The following CPLX1 variants were observed in gnomAD, a reference collection of about 807,000 sequenced individuals.
The protein encoded by CPLX1 is complexin-1.
In CPLX1, 6 loss-of-function variants were observed where a neutral mutation model predicts 15.6. That is an observed-to-expected ratio of 0.39 (90% CI 0.21 to 0.76). CPLX1 has a LOEUF of 0.76. Among genes scored for constraint, CPLX1 ranks in the 30% least tolerant of loss-of-function variants. The pLI is 0.43. For missense variants in CPLX1, 242 were observed against 188.6 expected, an observed-to-expected ratio of 1.28 and a Z score of -1.66; for synonymous variants, 91 against 75.2, an observed-to-expected ratio of 1.21 and a Z score of -1.08.
chr4:814,938 G>A (rs1165228400), intron 2 of CPLX1, among the ~76,000 whole-genome samples: 1 of 152,252 alleles, frequency 6.6e-6, no homozygotes, highest in African/African-American at 2.4e-5. Context: ...GGGCAAGACT[G>A]CCAGCTCTCA....
At chr4:805,048 C>T in intron 2 of CPLX1, 2 of 598,378 alleles carry the variant, frequency 3.3e-6, no homozygotes, top group Non-Finnish European at 4.2e-6. Context: ...GGCAGCGGCC[C>T]TGGCGTGTGG....
intron 1 of CPLX1, among the ~76,000 whole-genome samples, 162 bp downstream of exon 1, chr4:825,884 T>G (rs1221717865): frequency 7.5e-4 from 7 of 9,278 alleles, no homozygotes; most frequent in Non-Finnish European, 1.3e-3. Context: ...GGGGAGGAGC[T>G]GGGCGAAGCC....
chr4:801,833 C>G (rs1456974497), intron 2 of CPLX1, among the ~76,000 whole-genome samples: 3 of 152,232 alleles, frequency 2.0e-5, no homozygotes, highest in Non-Finnish European at 2.9e-5. Context: ...TAAGGGAATT[C>G]AAACTTAAAT....
intron 2 of CPLX1, among the ~76,000 whole-genome samples, chr4:821,805 C>T (rs1304207048): frequency 6.6e-6 from 1 of 152,168 alleles, no homozygotes; most frequent in African/African-American, 2.4e-5. Flanking sequence ...ACAGGGGCCC[C>T]TCCTTGAGAC....
chr4:794,319 G>A (rs1468512392), intron 2 of CPLX1, among the ~76,000 whole-genome samples: 1 of 152,276 alleles, frequency 6.6e-6, no homozygotes, highest in Non-Finnish European at 1.5e-5. Context: ...GCAGTGGGGT[G>A]TGGGGAGAAC....
intron 2 of CPLX1, among the ~76,000 whole-genome samples, chr4:821,824 G>T (rs1204420795): frequency 6.6e-6 from 1 of 152,144 alleles, no homozygotes; most frequent in Non-Finnish European, 1.5e-5. Context: ...ACCCAGCGTT[G>T]GGTCAGATGA....
Position 805,865 on chromosome 4 carries a change from C to G in CPLX1, c.32-13257G>C, listed in dbSNP as rs374293086. 1.4e-4 allele frequency among the ~76,000 whole-genome samples: 21 copies of G among 152,242 alleles called. No individual in the cohort carries two copies. The East Asian group carries it at 3.9e-3, about 28-fold the overall frequency. Reference sequence around the variant, plus strand: ...TAAGCCAGACACAAAAAGACAAATACTGTAAGATTCCACTTAGATGAGGTC... The same window carrying G: ...TAAGCCAGACACAAAAAGACAAATAGTGTAAGATTCCACTTAGATGAGGTC... On this transcript the variant is annotated intron_variant, in intron 2 of 3. Coordinates refer to ENST00000304062, the MANE Select transcript of CPLX1 (RefSeq NM_006651.4).
At chr4:790,135 G>C (rs550757624) in intron 3 of CPLX1, among the ~76,000 whole-genome samples, 16 of 152,194 alleles carry the variant, frequency 1.1e-4, no homozygotes, top group East Asian at 1.9e-4. Flanking sequence ...CTGTGGAGGA[G>C]GACTCTGTGG....
Position 792,434 on chromosome 4 carries a change from T to C in CPLX1, c.206A>G (p.Lys69Arg), listed in dbSNP as rs1419710038. ...REAVRQGIRD[K>R]YGIKKKEERE... ...AGGCGGGGCCGGCCCGGCGCGCACC[T>C]TGTCTCGGATGCCCTGGCGCACGGC... Residue 69 changes from lysine to arginine, a missense_variant and splice_region_variant, in exon 3 of 4, where the codon AAG becomes AGG. Lys to Arg is a conservative substitution (Grantham distance 26). Transcript: ENST00000304062. 5 of 1,573,438 alleles carry C rather than the reference T, an allele frequency of 3.2e-6. No homozygotes were observed. Among genetic ancestry groups the C allele is most frequent in the Non-Finnish European group, 4.3e-6 (5 of 1,161,306 alleles).
intron 3 of CPLX1, among the ~76,000 whole-genome samples, chr4:789,810 G>A (rs750240896): frequency 2.0e-5 from 3 of 152,216 alleles, no homozygotes; most frequent in East Asian, 1.9e-4. Flanking sequence ...GCAGCTCAGC[G>A]TCTCTTCTCT....
intron 2 of CPLX1, among the ~76,000 whole-genome samples, chr4:817,419 G>A (rs1313685934): frequency 2.0e-5 from 3 of 151,220 alleles, no homozygotes; most frequent in Non-Finnish European, 4.4e-5. Context: ...TTAGCCAGGC[G>A]TGGTGGCAGG....
chr4:790,950 C>T (rs1168694545), intron 3 of CPLX1, among the ~76,000 whole-genome samples: 3 of 146,696 alleles, frequency 2.0e-5, no homozygotes, highest in African/African-American at 5.1e-5. Flanking sequence ...TTTTCTCTGT[C>T]TCTCCCTCTC....
chr4:786,822 G>A (rs1746007973), intron 3 of CPLX1, 124 bp from the exon 4 acceptor site: 1 of 1,410,822 alleles, frequency 7.1e-7, no homozygotes, highest in Non-Finnish European at 9.2e-7. Context: ...ACCCCACCAG[G>A]CACACAAGGA....
intron 3 of CPLX1, 130 bp downstream of exon 3, chr4:792,303 C>T (rs978623185): frequency 2.4e-6 from 2 of 838,518 alleles, no homozygotes; most frequent in African/African-American, 3.6e-5. Flanking sequence ...CACTCTGAAG[C>T]CCCCAAAGGG....
At chr4:820,867 G>T (rs1404980937) in intron 2 of CPLX1, among the ~76,000 whole-genome samples, 3 of 152,098 alleles carry the variant, frequency 2.0e-5, no homozygotes, top group Non-Finnish European at 4.4e-5. Flanking sequence ...AGCCCCTTGG[G>T]TTGTTCCTGC....
At chr4:825,666 G>A (rs1204011720) in intron 1 of CPLX1, among the ~76,000 whole-genome samples, 1 of 151,774 alleles carries the variant, frequency 6.6e-6, no homozygotes, top group African/African-American at 2.4e-5. Context: ...GGAGGAGGCC[G>A]GGCGCGGGCC....
At chr4:812,995 G>A (rs1426320003) in intron 2 of CPLX1, among the ~76,000 whole-genome samples, 1 of 152,082 alleles carries the variant, frequency 6.6e-6, no homozygotes. Context: ...GGCTGGGAGC[G>A]GTGGCTCACA....
chr4:796,015 C>A (rs908649661), intron 2 of CPLX1, among the ~76,000 whole-genome samples: 1 of 152,194 alleles, frequency 6.6e-6, no homozygotes, highest in Non-Finnish European at 1.5e-5. Context: ...GGCACCCACG[C>A]TCCCGAGACG....
At chr4:800,839 G>GTA (rs1287442371) in intron 2 of CPLX1, among the ~76,000 whole-genome samples, 2 of 147,388 alleles carry the variant, frequency 1.4e-5, no homozygotes, top group East Asian at 2.0e-4. Flanking sequence ...GTGTGTGTGT[G>GTA]TATATATATG....
Sources: allele counts gnomAD v4.1 joint callset (sites outside exome capture counted in the v4.1 genomes callset), GRCh38; gene constraint gnomAD v4.1.1; transcripts MANE v1.5; gene names NCBI Gene and HGNC (gene_info 2026-07-23, HGNC 2026-07-21).